TMEM67: variants seen among roughly 807,000 people sequenced by gnomAD.
TMEM67 encodes meckelin.
In TMEM67, 124 loss-of-function variants were observed where a neutral mutation model predicts 136.6. That is an observed-to-expected ratio of 0.91 (90% confidence interval 0.78 to 1.05). The LOEUF (loss-of-function observed/expected upper bound fraction) is 1.05. TMEM67 is among the 50% of genes least tolerant of loss of function. TMEM67 has a pLI of 0.00. For missense variants in TMEM67, 1,107 were observed against 1,178.4 expected (o/e 0.94, Z 0.89); for synonymous variants, 364 against 390.5 (o/e 0.93, Z 0.80).
Position 93,797,464 on chromosome 8 carries a change from T to C in TMEM67, c.2094T>C (p.Phe698=), listed in dbSNP as rs1170360245. 6.2e-7 allele frequency: 1 copy of C among 1,613,492 alleles called. No homozygotes were observed. Among genetic ancestry groups the C allele is most frequent in the South Asian group, 1.1e-5 (1 of 90,994 alleles). The change falls in exon 20 of 28, where the codon TTT becomes TTC. Residue 698 remains phenylalanine (F), a synonymous_variant. Coordinates refer to ENST00000453321, the MANE Select transcript of TMEM67 (RefSeq NM_153704.6). ...SLFQVLTVLF[F]LEVVGFKNLA... ...TTCAAGTACTTACTGTCCTCTTCTT[T>C]TTGGAGGTATAAACTGTTTGATGTG...
Position 93,772,583 on chromosome 8 carries a change from T to G in TMEM67, c.652-6T>G. 1 of 1,609,970 alleles carries G rather than the reference T, an allele frequency of 6.2e-7. No homozygotes were observed. The highest frequency in any genetic ancestry group is 1.7e-4 in the Middle Eastern group (1 of 6,042). Reference sequence around the variant, plus strand: ...TTAAAAATAAAATGTATCTTTTTGTTTACAGGGCATGTCTTTAACTTCAGA... The same window carrying G: ...TTAAAAATAAAATGTATCTTTTTGTGTACAGGGCATGTCTTTAACTTCAGA... On this transcript the variant is annotated splice_region_variant and splice_polypyrimidine_tract_variant and intron_variant, in intron 6 of 27. Transcript: ENST00000453321.
At chr8:93,799,524 T>C (rs947183591) in intron 20 of TMEM67, 94 bp from the exon 21 acceptor site, 2 of 1,242,768 alleles carry the variant, frequency 1.6e-6, no homozygotes, top group African/African-American at 1.5e-5. Context: ...TTTTAGTTTT[T>C]CAAGGTGAGT....
chr8:93,763,095 TA>T (rs1812923580), intron 3 of TMEM67: 2 of 182,798 alleles, frequency 1.1e-5, no homozygotes, highest in Admixed American at 8.8e-5. Context: ...GCTAATTTTG[TA>T]TTTTTTTTTT....
chr8:93,809,124 A>G lies in TMEM67; in HGVS notation c.2624A>G (p.His875Arg), dbSNP rs762452914. Residue 875 changes from histidine (H) to arginine (R), a missense_variant, in exon 25 of 28, where the codon CAT becomes CGT. Physicochemically the swap from His to Arg is conservative, Grantham distance 29. This residue lies in a region of TMEM67 where 925 missense variants were observed against 1,002.4 expected (regional missense o/e 0.92). Transcript: ENST00000453321. ...TTTGAGCAGAGTATAAAAGCATATC[A>G]TATGATGAATAAATTTCTTGGCTCC... ...STFEQSIKAY[H>R]MMNKFLGSFI... 7 of 1,607,972 alleles carry G rather than the reference A, an allele frequency of 4.4e-6. No individual in the cohort carries two copies. Among genetic ancestry groups the G allele is most frequent in the Non-Finnish European group, 6.0e-6 (7 of 1,175,162 alleles).
chr8:93,797,693 T>C (rs1003874539), intron 20 of TMEM67, among the ~76,000 whole-genome samples: 14 of 152,158 alleles, frequency 9.2e-5, no homozygotes, highest in African/African-American at 3.1e-4. Context: ...TTTAATAGTG[T>C]TAAGTTGGCC....
rs566375468 is a variant in TMEM67, at chr8:93,777,221, G to A, written c.715-3372G>A. 6.6e-5 allele frequency among the ~76,000 whole-genome samples: 10 copies of A among 152,054 alleles called. No individual in the cohort carries two copies. The South Asian group carries it at 1.0e-3, about 16-fold the overall frequency. On this transcript the variant is annotated intron_variant, in intron 7 of 27. Coordinates refer to ENST00000453321, the MANE Select transcript of TMEM67 (RefSeq NM_153704.6). ...TATCGCCTTTATCATTTTTTATTGC[G>A]TCTATTTGATTCTTCTCTCTTTTCC... is the stretch of plus-strand genomic sequence containing the variant.
intron 21 of TMEM67, among the ~76,000 whole-genome samples, chr8:93,800,316 C>T (rs1814816879): frequency 6.6e-6 from 1 of 152,116 alleles, no homozygotes; most frequent in Non-Finnish European, 1.5e-5. Flanking sequence ...TGTTGATCCT[C>T]AAATAGTTCA....
intron 7 of TMEM67, among the ~76,000 whole-genome samples, chr8:93,775,509 C>T (rs930005006): frequency 1.3e-5 from 2 of 152,060 alleles, no homozygotes; most frequent in African/African-American, 4.8e-5. Flanking sequence ...GTCTTTAAAC[C>T]ATCTTGAATT....
chr8:93,808,527 A>AT (rs1443707277), intron 23 of TMEM67, among the ~76,000 whole-genome samples: 384 of 68,838 alleles, frequency 5.6e-3, no homozygotes, highest in Middle Eastern at 0.016. Flanking sequence ...TTTATAATCT[A>AT]TATATATCTA....
At chr8:93,820,544 ATTGGCCTGTG>A (rs1174558124), downstream of TMEM67, among the ~76,000 whole-genome samples, 1 of 152,174 alleles carries the variant, frequency 6.6e-6, no homozygotes, top group Non-Finnish European at 1.5e-5. Flanking sequence ...CTGGAGCCAG[ATTGGCCTGTG>A]TTCAAGTCCC....
chr8:93,808,245 T>C (rs946783662), intron 23 of TMEM67, among the ~76,000 whole-genome samples: 1 of 145,726 alleles, frequency 6.9e-6, no homozygotes, highest in African/African-American at 2.5e-5. Context: ...TACTTAAATA[T>C]ATAAATATAT....
intron 11 of TMEM67, among the ~76,000 whole-genome samples, chr8:93,784,277 C>G (rs1813994802): frequency 6.6e-6 from 1 of 152,176 alleles, no homozygotes; most frequent in Non-Finnish European, 1.5e-5. Flanking sequence ...TAATGCCTAT[C>G]TGTGTGCTCA....
intron 23 of TMEM67, among the ~76,000 whole-genome samples, chr8:93,808,414 T>G (rs1180764599): frequency 6.2e-5 from 2 of 32,364 alleles, no homozygotes; most frequent in Non-Finnish European, 1.2e-4. Context: ...ATTTCTCTAT[T>G]ATAGATATAT....
chr8:93,756,997 T>G (rs1812599594), intron 2 of TMEM67: 2 of 150,834 alleles, frequency 1.3e-5, no homozygotes, highest in South Asian at 4.2e-4. Context: ...TCGCTTGAAC[T>G]CAGGAGGCAG....
chr8:93,804,291 TTCTTTTC>T (rs1287320940), intron 22 of TMEM67, among the ~76,000 whole-genome samples: 1 of 142,704 alleles, frequency 7.0e-6, no homozygotes, highest in African/African-American at 2.6e-5. Context: ...TTCTTTTCTT[TTCTTTTC>T]TCTTTTCTTT....
intron 7 of TMEM67, 129 bp from the exon 8 acceptor site, chr8:93,780,464 A>T (rs1337494926): frequency 3.3e-6 from 3 of 913,686 alleles, no homozygotes; most frequent in African/African-American, 3.3e-5. Flanking sequence ...TTATGCTGGG[A>T]GCTGCAGACC....
rs549476290 is a variant in TMEM67, at chr8:93,770,740, C to T, written c.652-1849C>T. On this transcript the variant is annotated intron_variant, in intron 6 of 27. Coordinates refer to ENST00000453321, the MANE Select transcript of TMEM67 (RefSeq NM_153704.6). ...TAGTAAATTTGATTGCTAGGCTGGA[C>T]GCGGTGGCTCACTCCTTTAATCCCA... 5.0e-4 allele frequency among the ~76,000 whole-genome samples: 76 copies of T among 152,222 alleles called. 2 individuals carry two copies. In the South Asian group the frequency reaches 0.013, roughly 26 times the overall value.
In TMEM67 at chr8:93,782,432, A is replaced by C. The variant is rs576308437; in HGVS notation, c.1103A>C (p.Tyr368Ser). ...PDTETRLNAA[Y>S]SFGTTYQQNC... ...ACAGAGACAAGGCTAAATGCTGCTT[A>C]TTCATTTGGAACAACCTACCAACAA... is the stretch of plus-strand genomic sequence containing the variant. The change falls in exon 11 of 28, where the codon TAT (tyrosine) becomes TCT (serine). Residue 368 changes from tyrosine to serine, a missense_variant. By Grantham distance (144) the Tyr-to-Ser change is moderately radical. This residue lies in a region of TMEM67 where 925 missense variants were observed against 1,002.4 expected (regional missense o/e 0.92). Coordinates refer to ENST00000453321, the MANE Select transcript of TMEM67 (RefSeq NM_153704.6). The C allele has an allele frequency of 6.2e-7, 1 of 1,613,116 alleles. No homozygotes were observed. The highest frequency in any genetic ancestry group is 1.7e-5 in the Admixed American group (1 of 60,018).
At chr8:93,815,151 ATGTT>A (rs1252214467) in intron 26 of TMEM67, among the ~76,000 whole-genome samples, 150 bp from the exon 27 acceptor site, 7 of 152,222 alleles carry the variant, frequency 4.6e-5, no homozygotes, top group African/African-American at 1.7e-4. Context: ...AAATCTTAAA[ATGTT>A]TGTTTATTTT....
Sources: gnomAD v4.1 joint callset for allele counts (sites outside exome capture counted in the v4.1 genomes callset) on GRCh38, gnomAD v4.1.1 for gene constraint, gnomAD v4.1.1 regional missense constraint, MANE v1.5 for transcripts, NCBI Gene and HGNC (gene_info 2026-07-23, HGNC 2026-07-21) for gene names.